Variants in PTPRD observed in about 807,000 individuals in gnomAD.
PTPRD encodes protein tyrosine phosphatase receptor type D.
In PTPRD, 34 loss-of-function variants were observed where a neutral mutation model predicts 214.5. That is an observed-to-expected ratio of 0.16 (90% CI 0.12 to 0.21). The LOEUF (loss-of-function observed/expected upper bound fraction) is 0.21. Ranked by LOEUF, PTPRD falls within the 10% of genes least tolerant of loss-of-function variation. PTPRD has a pLI of 1.00. For missense variants in PTPRD, 2,545 were observed against 2,398.7 expected (o/e 1.06, Z -1.27); for synonymous variants, 1,128 against 845.7 (o/e 1.33, Z -5.79).
At chr9:10,209,530 G>C (rs75345979) in intron 3 of PTPRD, among the ~76,000 whole-genome samples, 1 of 151,900 alleles carries the variant, frequency 6.6e-6, no homozygotes, top group Non-Finnish European at 1.5e-5. Flanking sequence ...CCATGTTCTC[G>C]CATAGAACTG....
chr9:9,372,647 C>T (rs921002215), intron 9 of PTPRD, among the ~76,000 whole-genome samples: 6 of 152,052 alleles, frequency 3.9e-5, no homozygotes, highest in African/African-American at 1.4e-4. Flanking sequence ...TGAATTTGAT[C>T]CTGTCATTAC....
intron 8 of PTPRD, among the ~76,000 whole-genome samples, chr9:9,441,589 A>G (rs1022531290): frequency 3.3e-5 from 5 of 152,132 alleles, no homozygotes; most frequent in African/African-American, 1.2e-4. Context: ...CATTTCAGGA[A>G]TTATCATGCT....
chr9:10,275,686 T>C (rs1266279098), intron 3 of PTPRD, among the ~76,000 whole-genome samples: 1 of 152,132 alleles, frequency 6.6e-6, no homozygotes, highest in Non-Finnish European at 1.5e-5. Flanking sequence ...AGAAACTAGG[T>C]TAAGTTCACC....
At chr9:8,385,470 C>G (rs1034319965) in intron 37 of PTPRD, among the ~76,000 whole-genome samples, 1 of 152,176 alleles carries the variant, frequency 6.6e-6, no homozygotes, top group African/African-American at 2.4e-5. Flanking sequence ...ACTATGACCA[C>G]ACCACTGCAC....
chr9:10,208,374 C>A (rs532663551), intron 3 of PTPRD, among the ~76,000 whole-genome samples: 4 of 152,136 alleles, frequency 2.6e-5, no homozygotes, highest in Admixed American at 6.5e-5. Context: ...ATTAGCCGGG[C>A]GTGGTGGCGG....
At chr9:8,849,189 T>TTC (rs1555427738) in intron 11 of PTPRD, among the ~76,000 whole-genome samples, 2 of 149,246 alleles carry the variant, frequency 1.3e-5, no homozygotes, top group Non-Finnish European at 3.0e-5. Flanking sequence ...TTTTTTTTTT[T>TTC]TTTTGAGACG....
rs188128592 is a variant in PTPRD at position 9,549,910 on chromosome 9, G to T, written c.-237+24822C>A. Among the ~76,000 whole-genome samples, 3 of 152,126 alleles carry T rather than the reference G, an allele frequency of 2.0e-5. No individual in the cohort carries two copies. The South Asian group carries it at 6.2e-4, about 32-fold the overall frequency. On this transcript the variant is annotated intron_variant, in intron 8 of 45. Coordinates refer to ENST00000381196, the MANE Select transcript of PTPRD (RefSeq NM_002839.4). ...AGATTTCTTAGACATGACATCAAAA[G>T]AATGATGGATAAAAGTAAAAATAAA... is the stretch of plus-strand genomic sequence containing the variant.
chr9:8,733,710 C>T (rs2098686307), intron 12 of PTPRD, 70 bp downstream of exon 12: 1 of 1,477,740 alleles, frequency 6.8e-7, no homozygotes, highest in East Asian at 2.5e-5. Flanking sequence ...AGGCCCTGAG[C>T]CTGGTGCCAA....
chr9:8,650,427 A>C (rs1158158535), intron 12 of PTPRD, among the ~76,000 whole-genome samples: 2 of 151,206 alleles, frequency 1.3e-5, no homozygotes, highest in East Asian at 2.0e-4. Flanking sequence ...CGGGAGGCTG[A>C]GGCAGGAGAA....
chr9:9,968,777 G>A (rs144728599), intron 4 of PTPRD, among the ~76,000 whole-genome samples: 156 of 152,214 alleles, frequency 1.0e-3, no homozygotes, highest in Non-Finnish European at 1.5e-3. Context: ...GCACAACGCC[G>A]TTAATCTCAA....
intron 5 of PTPRD, among the ~76,000 whole-genome samples, chr9:9,930,876 C>G (rs529500979): frequency 3.9e-5 from 6 of 152,078 alleles, no homozygotes; most frequent in African/African-American, 1.4e-4. Flanking sequence ...GAAGTCCCTA[C>G]TCAAATTTCT....
At chr9:9,433,344 T>A (rs2083962422) in intron 8 of PTPRD, among the ~76,000 whole-genome samples, 1 of 152,058 alleles carries the variant, frequency 6.6e-6, no homozygotes, top group Admixed American at 6.6e-5. Context: ...TGAAGTTGAG[T>A]CAGAATTACG....
At chr9:9,437,927 C>G (rs1205948164) in intron 8 of PTPRD, among the ~76,000 whole-genome samples, 1 of 152,196 alleles carries the variant, frequency 6.6e-6, no homozygotes, top group Non-Finnish European at 1.5e-5. Flanking sequence ...TTCATTGTCT[C>G]ACAGTTCTGG....
chr9:10,397,262 G>A lies in PTPRD; in HGVS notation c.-599-56245C>T, dbSNP rs138094724. 3.5e-3 allele frequency among the ~76,000 whole-genome samples: 536 copies of A among 152,106 alleles called. 3 individuals are homozygous for A. The highest frequency in any genetic ancestry group is 0.012 in the African/African-American group (487 of 41,544). On this transcript the variant is annotated intron_variant, in intron 2 of 45. Transcript: ENST00000381196. The stretch of plus-strand genomic sequence containing the variant: ...TGTCACAAATTAACTACTCTATGTT[G>A]CAGTTTCCATAGCTGTATAATGGAC...
At chr9:10,376,386 T>C (rs2097728769) in intron 2 of PTPRD, among the ~76,000 whole-genome samples, 1 of 151,712 alleles carries the variant, frequency 6.6e-6, no homozygotes, top group Non-Finnish European at 1.5e-5. Flanking sequence ...AGAACAAATA[T>C]GGTTATTTAA....
chr9:9,785,128 C>T (rs922757717), intron 5 of PTPRD, among the ~76,000 whole-genome samples: 8 of 151,608 alleles, frequency 5.3e-5, no homozygotes, highest in African/African-American at 1.4e-4. Context: ...TTTGTTTCTG[C>T]TCAATATTGA....
intron 2 of PTPRD, among the ~76,000 whole-genome samples, chr9:10,427,631 A>G (rs748943732): frequency 2.1e-4 from 32 of 152,096 alleles, no homozygotes; most frequent in Admixed American, 1.1e-3. Context: ...TAAAAAGGGG[A>G]TCAAAGCCTG....
At chr9:8,503,364 T>C (rs945258583) in intron 23 of PTPRD, among the ~76,000 whole-genome samples, 1 of 152,138 alleles carries the variant, frequency 6.6e-6, no homozygotes, top group African/African-American at 2.4e-5. Flanking sequence ...TAATTCACTA[T>C]GTCAAAAAGT....
chr9:10,005,515 C>T (rs1383356369), intron 4 of PTPRD, among the ~76,000 whole-genome samples: 1 of 152,104 alleles, frequency 6.6e-6, no homozygotes, highest in South Asian at 2.1e-4. Flanking sequence ...TCAGATAGCT[C>T]AAAAATGGTT....
Sources: gnomAD v4.1 joint callset for allele counts (sites outside exome capture counted in the v4.1 genomes callset) on GRCh38, gnomAD v4.1.1 for gene constraint, MANE v1.5 for transcripts, NCBI Gene and HGNC (gene_info 2026-07-23, HGNC 2026-07-21) for gene names.